Variants in PBX4 observed in about 807,000 individuals in gnomAD.
PBX4 encodes the protein pre-B-cell leukemia transcription factor 4.
A neutral mutation model predicts 35.1 loss-of-function variants in PBX4; 26 were observed. The ratio of observed to expected loss-of-function variants is 0.74; its 90% confidence interval spans 0.54 to 1.03. The LOEUF is 1.03. Ranked by LOEUF, PBX4 falls within the 50% of genes least tolerant of loss-of-function variation. PBX4 has a pLI of 0.00. For synonymous variants in PBX4, 199 were observed against 204.2 expected (o/e 0.97, Z 0.22); for missense variants, 448 against 504.3 (o/e 0.89, Z 1.07).
chr19:19,606,247 A>G (rs73004967), intron 1 of PBX4: 6,506 of 152,320 alleles, frequency 0.043, 198 homozygotes, highest in Non-Finnish European at 0.065. Context: ...TTAGATGACT[A>G]GAGAGTCACC....
chr19:19,588,953 C>T (rs542498764), intron 2 of PBX4, among the ~76,000 whole-genome samples: 32 of 151,520 alleles, frequency 2.1e-4, no homozygotes, highest in African/African-American at 7.5e-4. Flanking sequence ...CTGGGCAACA[C>T]AGCAAGATCC....
chr19:19,581,874 G>A (rs2061456639), intron 2 of PBX4, among the ~76,000 whole-genome samples: 1 of 152,166 alleles, frequency 6.6e-6, no homozygotes, highest in South Asian at 2.1e-4. Flanking sequence ...GAGAATAGGT[G>A]GGGGCTTCCA....
chr19:19,610,014 G>A (rs2061654591), intron 1 of PBX4, among the ~76,000 whole-genome samples: 1 of 152,204 alleles, frequency 6.6e-6, no homozygotes, highest in Admixed American at 6.5e-5. Flanking sequence ...AGTGGTACTT[G>A]CTCCTTTGTG....
chr19:19,568,028 C>T (rs2061354322), intron 5 of PBX4, among the ~76,000 whole-genome samples: 1 of 148,362 alleles, frequency 6.7e-6, no homozygotes, highest in Admixed American at 6.7e-5. Context: ...CACACTCCAT[C>T]TTTATCCCTC....
chr19:19,565,000 C>G lies in PBX4; in HGVS notation c.858G>C (p.Thr286=), dbSNP rs200643734. ...CCCCAACTTCCGTGGTATCCACAGC[C>G]GTTTTACCCGTGTAAATGGTAGCCT... ...QEEATIYTGK[T]AVDTTEVGVP... is the part of the protein sequence containing the mutation. The change falls in exon 6 of 8, where the codon ACG becomes ACC. Residue 286 remains threonine, a synonymous_variant. Coordinates refer to ENST00000251203, the MANE Select transcript of PBX4 (RefSeq NM_025245.3). 1.4e-5 allele frequency: 22 copies of G among 1,614,082 alleles called. No individual in the cohort carries two copies. In the African/African-American group the frequency reaches 1.9e-4, roughly 14 times the overall value.
At chr19:19,601,819 A>G (rs2061598978) in intron 1 of PBX4, among the ~76,000 whole-genome samples, 1 of 152,182 alleles carries the variant, frequency 6.6e-6, no homozygotes, top group Admixed American at 6.5e-5. Flanking sequence ...CCTTGATTTT[A>G]GCCCACTGTG....
intron 2 of PBX4, among the ~76,000 whole-genome samples, chr19:19,596,163 G>A (rs1312669710): frequency 6.6e-6 from 1 of 151,910 alleles, no homozygotes; most frequent in African/African-American, 2.4e-5. Flanking sequence ...AGGCTGAGGC[G>A]GGCAGGTCAC....
At chr19:19,603,124 T>A (rs915965369) in intron 1 of PBX4, among the ~76,000 whole-genome samples, 1 of 152,160 alleles carries the variant, frequency 6.6e-6, no homozygotes, top group African/African-American at 2.4e-5. Context: ...TGTCGCCCAC[T>A]GACCCAGGTG....
chr19:19,614,732 CAAT>C (rs2061679755), intron 1 of PBX4, among the ~76,000 whole-genome samples: 1 of 151,980 alleles, frequency 6.6e-6, no homozygotes, highest in Admixed American at 6.6e-5. Flanking sequence ...CAAAAAACCA[CAAT>C]GAAAACAGTT....
At chr19:19,609,775 C>CG (rs2061652987) in intron 1 of PBX4, among the ~76,000 whole-genome samples, 1 of 152,014 alleles carries the variant, frequency 6.6e-6, no homozygotes, top group Non-Finnish European at 1.5e-5. Context: ...GGCGTGAACC[C>CG]GGGGGGCGGA....
chr19:19,567,026 C>T (rs894306412), intron 5 of PBX4, among the ~76,000 whole-genome samples: 1 of 152,170 alleles, frequency 6.6e-6, no homozygotes, highest in African/African-American at 2.4e-5. Flanking sequence ...GGTGTACTTA[C>T]ATTATCCTTG....
At chr19:19,578,187 C>CA (rs34045847) in intron 2 of PBX4, among the ~76,000 whole-genome samples, 9,771 of 80,262 alleles carry the variant, frequency 0.12, 528 homozygotes, top group East Asian at 0.33. Context: ...GACTCCATCT[C>CA]AAAAAAAAAA....
In PBX4 at chr19:19,613,445, CA is replaced by C. The variant is rs57256131; in HGVS notation, c.119+5065del. Among the ~76,000 whole-genome samples, 201 of 113,578 alleles carry C rather than the reference CA, an allele frequency of 1.8e-3. 2 individuals are homozygous for C. Among genetic ancestry groups the C allele is most frequent in the Admixed American group, 5.7e-3 (61 of 10,756 alleles). 74.5% of individuals were successfully genotyped at this position (113,578 alleles called of 152,430 possible). ...AACACGCCAGAGCGAGACTCTGTCT[CA>C]AAAAAAAAAAAAAAAAAAAAAAAAA... On this transcript the variant is annotated intron_variant, in intron 1 of 7. Transcript: ENST00000251203.
At chr19:19,591,852 C>T (rs1439665144) in intron 2 of PBX4, among the ~76,000 whole-genome samples, 1 of 152,148 alleles carries the variant, frequency 6.6e-6, no homozygotes, top group East Asian at 1.9e-4. Flanking sequence ...TGTGACAAAC[C>T]TTATTTTTTA....
At position 19,565,058 on chromosome 19, in the gene PBX4, C is replaced by T. The variant is rs148814820; in HGVS notation, c.800G>A (p.Arg267Gln). ...AAACTTCCCCATGTTCTTTTTATACCGGATTCTTTTGTTGCCAAACCAGTT... is the reference window on the plus strand; with the variant it reads ...AAACTTCCCCATGTTCTTTTTATACTGGATTCTTTTGTTGCCAAACCAGTT... ...VSNWFGNKRI[R>Q]YKKNMGKFQE... Residue 267 changes from arginine (R) to glutamine (Q), a missense_variant, in exon 6 of 8, where the codon CGG becomes CAG. Transcript: ENST00000251203. 14 of 1,614,062 alleles carry T rather than the reference C, an allele frequency of 8.7e-6. No individual in the cohort carries two copies. The highest frequency in any genetic ancestry group is 5.3e-5 in the African/African-American group (4 of 74,918).
rs1009459675 is a variant in PBX4 at position 19,598,995 on chromosome 19, G to A, written c.193+297C>T. ...TGCAATGGCGTGATCTTGGCTCACCGCACACTCTTGTTGCCCAGGCTGGAG... is the reference window on the plus strand; with the variant it reads ...TGCAATGGCGTGATCTTGGCTCACCACACACTCTTGTTGCCCAGGCTGGAG... On this transcript the variant is annotated intron_variant, in intron 2 of 7. Coordinates refer to ENST00000251203, the MANE Select transcript of PBX4 (RefSeq NM_025245.3). Among the ~76,000 whole-genome samples the A allele has an allele frequency of 2.2e-5, 3 of 138,386 alleles. No individual in the cohort carries two copies. The Admixed American group carries it at 2.4e-4, about 11-fold the overall frequency. 90.8% of individuals were successfully genotyped at this position (138,386 alleles called of 152,430 possible).
At chr19:19,578,476 C>T (rs780319752) in intron 2 of PBX4, among the ~76,000 whole-genome samples, 1 of 152,204 alleles carries the variant, frequency 6.6e-6, no homozygotes, top group Non-Finnish European at 1.5e-5. Flanking sequence ...AGCTTCTCAG[C>T]TGTGCTCCTC....
intron 2 of PBX4, among the ~76,000 whole-genome samples, chr19:19,583,883 A>C (rs1014608048): frequency 6.6e-6 from 1 of 152,156 alleles, no homozygotes; most frequent in African/African-American, 2.4e-5. Context: ...CAGCCTGACC[A>C]ACATGGAGAA....
chr19:19,590,255 G>A (rs141875655), intron 2 of PBX4, among the ~76,000 whole-genome samples: 2 of 152,066 alleles, frequency 1.3e-5, no homozygotes, highest in African/African-American at 2.4e-5. Context: ...GGACAACCAC[G>A]AGTCTTCCTG....
Sources: gnomAD v4.1 joint callset for allele counts (sites outside exome capture counted in the v4.1 genomes callset) on GRCh38, gnomAD v4.1.1 for gene constraint, MANE v1.5 for transcripts, NCBI Gene and HGNC (gene_info 2026-07-23, HGNC 2026-07-21) for gene names.